Variants in ZNF385D observed in about 807,000 individuals in gnomAD.
The protein encoded by ZNF385D is zinc finger protein 385D.
In ZNF385D, 15 loss-of-function variants were observed where a neutral mutation model predicts 35.8. The ratio of observed to expected loss-of-function variants is 0.42; its 90% CI spans 0.28 to 0.64. The LOEUF is 0.64. Among genes scored for constraint, ZNF385D ranks in the 30% least tolerant of loss-of-function variants. ZNF385D has a pLI of 0.23. For missense variants in ZNF385D, 474 were observed against 494.6 expected, an observed-to-expected ratio of 0.96 and a Z score of 0.39; for synonymous variants, 212 against 186.8, an observed-to-expected ratio of 1.13 and a Z score of -1.10.
chr3:22,199,424 G>A (rs9857090), intron 2 of ZNF385D, among the ~76,000 whole-genome samples: 224 of 152,248 alleles, frequency 1.5e-3, no homozygotes, highest in African/African-American at 4.7e-3. Context: ...CAAAAAGGGA[G>A]TGTTTGCCCC....
intron 2 of ZNF385D, among the ~76,000 whole-genome samples, chr3:21,653,331 G>A (rs1282534783): frequency 6.6e-6 from 1 of 151,268 alleles, no homozygotes; most frequent in Non-Finnish European, 1.5e-5. Flanking sequence ...AAGTATATCA[G>A]TTTCCCATTG....
At chr3:21,906,599 C>T (rs1334145961) in intron 3 of ZNF385D, among the ~76,000 whole-genome samples, 1 of 152,040 alleles carries the variant, frequency 6.6e-6, no homozygotes, top group East Asian at 1.9e-4. Flanking sequence ...TTTTGGTTTC[C>T]CTGGGTTCTG....
At chr3:21,782,367 G>A (rs761618773) in intron 3 of ZNF385D, among the ~76,000 whole-genome samples, 42 of 152,102 alleles carry the variant, frequency 2.8e-4, no homozygotes, top group Non-Finnish European at 5.3e-4. Flanking sequence ...AGGAGTCAGA[G>A]AGTTTAAATA....
At chr3:21,908,882 TTA>T (rs1699825527) in intron 3 of ZNF385D, among the ~76,000 whole-genome samples, 1 of 152,108 alleles carries the variant, frequency 6.6e-6, no homozygotes, top group African/African-American at 2.4e-5. Context: ...GTTAAAAATG[TTA>T]TATGACTACA....
intron 2 of ZNF385D, among the ~76,000 whole-genome samples, chr3:22,314,322 C>T (rs192952894): frequency 2.0e-5 from 3 of 152,126 alleles, no homozygotes; most frequent in African/African-American, 7.2e-5. Context: ...CATTCTTATG[C>T]CTTTGCACCC....
intron 2 of ZNF385D, among the ~76,000 whole-genome samples, chr3:22,257,813 C>T (rs1200169559): frequency 2.0e-5 from 3 of 151,758 alleles, no homozygotes; most frequent in Non-Finnish European, 4.4e-5. Flanking sequence ...GATTAAAATG[C>T]TGAATAAATA....
chr3:21,457,158 C>G (rs1702875676), intron 4 of ZNF385D, among the ~76,000 whole-genome samples: 1 of 151,880 alleles, frequency 6.6e-6, no homozygotes, highest in African/African-American at 2.4e-5. Flanking sequence ...TGAAACAACC[C>G]AGAAAATAAA....
chr3:22,246,116 G>C (rs1266731096), intron 2 of ZNF385D, among the ~76,000 whole-genome samples: 3 of 152,086 alleles, frequency 2.0e-5, no homozygotes, highest in Non-Finnish European at 4.4e-5. Flanking sequence ...ATGAGAAAAT[G>C]ATTTAAATGC....
intron 2 of ZNF385D, among the ~76,000 whole-genome samples, chr3:21,661,396 A>G (rs2066234133): frequency 6.6e-6 from 1 of 152,178 alleles, no homozygotes; most frequent in Admixed American, 6.6e-5. Context: ...CAGAGGTCAT[A>G]ACATAATCTG....
chr3:22,025,718 A>G (rs1403056912), intron 3 of ZNF385D, among the ~76,000 whole-genome samples: 1 of 152,138 alleles, frequency 6.6e-6, no homozygotes, highest in Non-Finnish European at 1.5e-5. Context: ...AAGGGATCCA[A>G]AGGCTTAGGG....
chr3:22,364,115 T>A (rs1191944082), intron 2 of ZNF385D, among the ~76,000 whole-genome samples: 2 of 152,124 alleles, frequency 1.3e-5, no homozygotes, highest in Non-Finnish European at 2.9e-5. Context: ...AGGCTCTTAT[T>A]TTTTTGGAAT....
chr3:21,866,067 G>A (rs1684505), intron 3 of ZNF385D, among the ~76,000 whole-genome samples: 68,646 of 151,684 alleles, frequency 0.45, 15,832 homozygotes, highest in African/African-American at 0.52. Flanking sequence ...GTATGTGTAT[G>A]TACAAATATA....
At chr3:22,360,524 T>C (rs1696364264) in intron 2 of ZNF385D, among the ~76,000 whole-genome samples, 1 of 151,972 alleles carries the variant, frequency 6.6e-6, no homozygotes, top group African/African-American at 2.4e-5. Context: ...TTTAATAATA[T>C]ATTAATTTTA....
intron 4 of ZNF385D, among the ~76,000 whole-genome samples, chr3:21,461,768 A>C (rs954661819): frequency 3.9e-5 from 6 of 152,220 alleles, no homozygotes; most frequent in Non-Finnish European, 5.9e-5. Flanking sequence ...GTAGCTGTAC[A>C]TTTCAAATGC....
At chr3:21,439,699 C>A (rs1701764319) in intron 4 of ZNF385D, among the ~76,000 whole-genome samples, 1 of 152,016 alleles carries the variant, frequency 6.6e-6, no homozygotes, top group Non-Finnish European at 1.5e-5. Context: ...TCTTTCGATT[C>A]CTGTGACATC....
intron 1 of ZNF385D, among the ~76,000 whole-genome samples, chr3:21,730,987 T>C (rs149554226): frequency 1.1e-3 from 162 of 152,338 alleles, no homozygotes; most frequent in African/African-American, 3.7e-3. Context: ...ATTGCATTAA[T>C]ATCTTTAATG....
chr3:22,298,552 TAC>T (rs562535043), intron 2 of ZNF385D, among the ~76,000 whole-genome samples: 1 of 141,300 alleles, frequency 7.1e-6, no homozygotes, highest in Non-Finnish European at 1.5e-5. Context: ...TTTATGTATA[TAC>T]ACACATACAC....
Position 22,066,945 on chromosome 3 carries a change from G to A in ZNF385D, c.325+101872C>T, listed in dbSNP as rs910535424. 3.9e-5 allele frequency among the ~76,000 whole-genome samples: 6 copies of A among 152,124 alleles called. No homozygotes were observed. The East Asian group carries it at 1.2e-3, about 29-fold the overall frequency. On this transcript the variant is annotated intron_variant, in intron 3 of 5. Transcript: ENST00000494108. ...ATCAGAAGTACCCCATTCTTGTTTA[G>A]TTTCCCTACTTTCTAACATCCATCA...
chr3:21,750,546 C>A (rs1465897742), intron 1 of ZNF385D, among the ~76,000 whole-genome samples: 1 of 152,108 alleles, frequency 6.6e-6, no homozygotes, highest in African/African-American at 2.4e-5. Context: ...CTTTGTTTCA[C>A]ATTCCATTAA....
Sources: gnomAD v4.1 joint callset for allele counts (sites outside exome capture counted in the v4.1 genomes callset) on GRCh38, gnomAD v4.1.1 for gene constraint, MANE v1.5 for transcripts, NCBI Gene and HGNC (gene_info 2026-07-23, HGNC 2026-07-21) for gene names.